TTC28: variants seen among roughly 807,000 people sequenced by gnomAD.
TTC28 encodes the protein tetratricopeptide repeat protein 28.
Under a neutral mutation model 198.0 loss-of-function variants are expected in TTC28, and 61 were observed. That is an observed-to-expected ratio of 0.31 (90% CI 0.25 to 0.38). The LOEUF is 0.38. Among genes scored for constraint, TTC28 ranks in the 10% least tolerant of loss-of-function variants. The probability of loss-of-function intolerance (pLI) is 1.00; values close to 1 mark genes in which losing one functional copy is unlikely to be tolerated. For missense variants in TTC28, 2,678 were observed against 3,164.0 expected, an observed-to-expected ratio of 0.85 and a Z score of 3.69; for synonymous variants, 1,171 against 1,297.8, an observed-to-expected ratio of 0.90 and a Z score of 2.10.
intron 2 of TTC28, among the ~76,000 whole-genome samples, chr22:28,425,797 G>C (rs534051090): frequency 6.6e-6 from 1 of 152,300 alleles, no homozygotes; most frequent in South Asian, 2.1e-4. Flanking sequence ...TGGGAACAGA[G>C]TAAGGGCAAC....
chr22:28,556,773 G>C (rs1429477923), intron 2 of TTC28, among the ~76,000 whole-genome samples: 2 of 152,224 alleles, frequency 1.3e-5, no homozygotes, highest in Non-Finnish European at 2.9e-5. Context: ...CATCTGAAGG[G>C]CTGGCCAGGG....
At chr22:28,259,226 T>C (rs957043931) in intron 5 of TTC28, among the ~76,000 whole-genome samples, 26 of 152,254 alleles carry the variant, frequency 1.7e-4, no homozygotes, top group African/African-American at 4.8e-4. Flanking sequence ...AGGGCAGAGA[T>C]TGAACCTTGT....
intron 12 of TTC28, among the ~76,000 whole-genome samples, chr22:28,041,121 T>C (rs1376139058): frequency 6.6e-6 from 1 of 152,274 alleles, no homozygotes; most frequent in Non-Finnish European, 1.5e-5. Flanking sequence ...TGCTCATGGA[T>C]AGGAAGAATC....
intron 3 of TTC28, among the ~76,000 whole-genome samples, chr22:28,305,370 G>A (rs188221909): frequency 6.6e-6 from 1 of 152,124 alleles, no homozygotes; most frequent in African/African-American, 2.4e-5. Context: ...TTATAAAATC[G>A]CATGACACTT....
intron 2 of TTC28, among the ~76,000 whole-genome samples, chr22:28,428,737 C>T (rs1319243900): frequency 6.6e-6 from 1 of 151,952 alleles, no homozygotes; most frequent in South Asian, 2.1e-4. Flanking sequence ...CTCCCGGGAT[C>T]ACGCCATTCT....
At chr22:28,558,894 G>A (rs1450859373) in intron 2 of TTC28, among the ~76,000 whole-genome samples, 2 of 151,574 alleles carry the variant, frequency 1.3e-5, no homozygotes, top group Non-Finnish European at 2.9e-5. Context: ...AATTAGCTGG[G>A]TATGGTGGCG....
chr22:27,994,169 C>T (rs558657363), intron 17 of TTC28, among the ~76,000 whole-genome samples: 3 of 152,214 alleles, frequency 2.0e-5, no homozygotes, highest in Non-Finnish European at 4.4e-5. Flanking sequence ...AGCTGAGAGG[C>T]GTGGTGGCTC....
chr22:28,096,650 C>T (rs999151918), intron 10 of TTC28, among the ~76,000 whole-genome samples: 2 of 152,124 alleles, frequency 1.3e-5, no homozygotes, highest in Non-Finnish European at 2.9e-5. Flanking sequence ...TTGCAGCCAG[C>T]GCCACAAAAG....
At chr22:28,457,874 T>C (rs2047887404) in intron 2 of TTC28, among the ~76,000 whole-genome samples, 1 of 152,174 alleles carries the variant, frequency 6.6e-6, no homozygotes, top group African/African-American at 2.4e-5. Context: ...TGTCCAGAAA[T>C]AGTCTTGGGC....
At chr22:28,652,678 T>C (rs756468251) in intron 1 of TTC28, among the ~76,000 whole-genome samples, 7 of 152,198 alleles carry the variant, frequency 4.6e-5, no homozygotes, top group Admixed American at 2.0e-4. Flanking sequence ...GCTTTGAGAA[T>C]ATAATTTGTT....
intron 21 of TTC28, chr22:27,985,989 G>T (rs1015052127): frequency 6.5e-6 from 1 of 153,622 alleles, no homozygotes; most frequent in Non-Finnish European, 1.5e-5. Flanking sequence ...GCAAGAGGCT[G>T]GCTAACAAAC....
rs185010098 is a variant in TTC28, at chr22:28,411,310, A to T, written c.382-104667T>A. On this transcript the variant is annotated intron_variant, in intron 2 of 22. Transcript: ENST00000397906. ...TAGCTATCTGATGCCAAGAAAAGCA[A>T]CTACAGAGTTGTTCAACTCTTATGA... Among the ~76,000 whole-genome samples, 3 of 152,322 alleles carry T rather than the reference A, an allele frequency of 2.0e-5. No individual in the cohort carries two copies. The East Asian group carries it at 5.8e-4, about 29-fold the overall frequency.
intron 5 of TTC28, among the ~76,000 whole-genome samples, chr22:28,193,534 G>A (rs1161893383): frequency 1.3e-5 from 2 of 152,148 alleles, no homozygotes; most frequent in African/African-American, 4.8e-5. Context: ...GCTGTATTCA[G>A]GAGACCCATC....
At chr22:28,435,903 A>T (rs1463293441) in intron 2 of TTC28, among the ~76,000 whole-genome samples, 1 of 152,208 alleles carries the variant, frequency 6.6e-6, no homozygotes, top group African/African-American at 2.4e-5. Context: ...CACTGATATC[A>T]CATGATCAGT....
At chr22:28,620,574 G>A (rs2050978954) in intron 2 of TTC28, among the ~76,000 whole-genome samples, 1 of 152,190 alleles carries the variant, frequency 6.6e-6, no homozygotes, top group Non-Finnish European at 1.5e-5. Flanking sequence ...ATTGTAACCA[G>A]AGATGAAACA....
At chr22:28,411,127 C>G (rs2047074680) in intron 2 of TTC28, among the ~76,000 whole-genome samples, 2 of 152,170 alleles carry the variant, frequency 1.3e-5, no homozygotes, top group African/African-American at 4.8e-5. Context: ...TAATGAACAC[C>G]TGTTCAGTAG....
At chr22:28,138,790 A>G (rs1943259434) in intron 6 of TTC28, among the ~76,000 whole-genome samples, 1 of 152,218 alleles carries the variant, frequency 6.6e-6, no homozygotes. Context: ...AACACCAAAC[A>G]TTAACTCAAT....
chr22:28,659,730 C>A (rs1220482951), intron 1 of TTC28, among the ~76,000 whole-genome samples: 1 of 151,990 alleles, frequency 6.6e-6, no homozygotes, highest in African/African-American at 2.4e-5. Context: ...CCAATGAACT[C>A]CAGCCTGGGT....
chr22:28,054,894 C>T (rs1210092220), intron 12 of TTC28, among the ~76,000 whole-genome samples: 1 of 152,164 alleles, frequency 6.6e-6, no homozygotes, highest in Non-Finnish European at 1.5e-5. Flanking sequence ...AAGATCACTT[C>T]CAGCTCTAAA....
Sources: gnomAD v4.1 joint callset for allele counts (sites outside exome capture counted in the v4.1 genomes callset) on GRCh38, gnomAD v4.1.1 for gene constraint, MANE v1.5 for transcripts, NCBI Gene and HGNC (gene_info 2026-07-23, HGNC 2026-07-21) for gene names.